The following SLC9A2 variants were observed in gnomAD, a reference collection of about 807,000 sequenced individuals.
SLC9A2 encodes the protein sodium/hydrogen exchanger 2.
SLC9A2 carries 42 observed loss-of-function variants against 71.7 expected under a neutral mutation model. That is an observed-to-expected ratio of 0.59 (90% CI 0.46 to 0.76). The LOEUF is 0.76. SLC9A2 is among the 30% of genes least tolerant of loss of function. The pLI, the probability that SLC9A2 is intolerant of heterozygous loss-of-function variation, is 0.00. For synonymous variants in SLC9A2, 396 were observed against 392.5 expected (o/e 1.01, Z -0.10); for missense variants, 829 against 1,017.4 (o/e 0.81, Z 2.52).
At chr2:102,646,707 CAAAG>C (rs917777910) in intron 1 of SLC9A2, among the ~76,000 whole-genome samples, 35 of 150,376 alleles carry the variant, frequency 2.3e-4, no homozygotes, top group Middle Eastern at 3.5e-3. Flanking sequence ...TCAAAAAAGA[CAAAG>C]AAGAGCATTA....
At chr2:102,691,891 A>G (rs761867669) in intron 5 of SLC9A2, among the ~76,000 whole-genome samples, 8 of 152,182 alleles carry the variant, frequency 5.3e-5, no homozygotes, top group Non-Finnish European at 4.4e-5. Flanking sequence ...CTGTATTTAC[A>G]AAGACTCGTG....
chr2:102,634,088 A>G (rs907103950), intron 1 of SLC9A2, among the ~76,000 whole-genome samples: 3 of 152,230 alleles, frequency 2.0e-5, no homozygotes, highest in Non-Finnish European at 2.9e-5. Flanking sequence ...GAGTAACTCA[A>G]TAAAATTTGG....
chr2:102,641,262 T>C (rs1311091034), intron 1 of SLC9A2, among the ~76,000 whole-genome samples: 1 of 152,206 alleles, frequency 6.6e-6, no homozygotes, highest in African/African-American at 2.4e-5. Context: ...GGCACAGTCC[T>C]GCCCAAACGC....
intron 1 of SLC9A2, among the ~76,000 whole-genome samples, chr2:102,647,876 G>A (rs533311767): frequency 6.6e-6 from 1 of 152,168 alleles, no homozygotes; most frequent in South Asian, 2.1e-4. Context: ...AAAAAGCCCA[G>A]GACCAGTCGG....
At chr2:102,679,930 T>C (rs1339516382) in intron 3 of SLC9A2, among the ~76,000 whole-genome samples, 2 of 152,312 alleles carry the variant, frequency 1.3e-5, no homozygotes, top group South Asian at 4.1e-4. Flanking sequence ...AAGTCAACTT[T>C]ATTGCTGATG....
At chr2:102,689,816 C>T (rs1198757331) in intron 5 of SLC9A2, 1 of 152,136 alleles carries the variant, frequency 6.6e-6, no homozygotes, top group African/African-American at 2.4e-5. Context: ...GTGGGGACTA[C>T]CTGGAGAGTA....
At chr2:102,674,779 G>T (rs1426571679) in intron 3 of SLC9A2, among the ~76,000 whole-genome samples, 5 of 152,192 alleles carry the variant, frequency 3.3e-5, no homozygotes, top group African/African-American at 1.2e-4. Flanking sequence ...TAGCCTTAGG[G>T]TGATAGGACA....
In SLC9A2 at chr2:102,619,951, A is replaced by T. The variant is rs772632493; in HGVS notation, c.103A>T (p.Thr35Ser). ...GGGGCCCGTGGGCGCCCTGGCGGAG[A>T]CCTTGCTGAACGCGCCGAGGGCCAT... ...VAGPVGALAETLLNAPRAMGT... is the reference protein window; with the variant it reads ...VAGPVGALAESLLNAPRAMGT... Residue 35 changes from threonine (T) to serine (S), a missense_variant, in exon 1 of 12, where the codon ACC becomes TCC. Coordinates refer to ENST00000233969, the MANE Select transcript of SLC9A2 (RefSeq NM_003048.6). The surrounding 1 kb of genome is among the most constrained non-coding windows in gnomAD (Gnocchi z 4.3). 1.2e-6 allele frequency: 2 copies of T among 1,611,434 alleles called. No individual in the cohort carries two copies. Among genetic ancestry groups the T allele is most frequent in the South Asian group, 2.2e-5 (2 of 90,800 alleles).
At chr2:102,703,302 A>G (rs1178568352) in intron 9 of SLC9A2, among the ~76,000 whole-genome samples, 1 of 152,198 alleles carries the variant, frequency 6.6e-6, no homozygotes, top group Non-Finnish European at 1.5e-5. Flanking sequence ...CTCTATTTCC[A>G]AGTTCCACTT....
chr2:102,639,619 G>A (rs140576055), intron 1 of SLC9A2, among the ~76,000 whole-genome samples: 11 of 152,266 alleles, frequency 7.2e-5, no homozygotes, highest in African/African-American at 2.4e-4. Flanking sequence ...CATTATCAGT[G>A]TTTTGCAACT....
intron 1 of SLC9A2, among the ~76,000 whole-genome samples, chr2:102,653,681 G>T (rs1676877663): frequency 6.6e-6 from 1 of 152,156 alleles, no homozygotes; most frequent in Non-Finnish European, 1.5e-5. Context: ...AAGAAGAGCA[G>T]CACCCCATGT....
At chr2:102,693,337 G>C (rs921429558) in intron 5 of SLC9A2, among the ~76,000 whole-genome samples, 7 of 152,224 alleles carry the variant, frequency 4.6e-5, no homozygotes, top group Non-Finnish European at 8.8e-5. Flanking sequence ...CTTCTCAGTT[G>C]ACTGGGACAT....
chr2:102,653,876 T>C (rs372107037), intron 1 of SLC9A2, among the ~76,000 whole-genome samples: 2 of 152,212 alleles, frequency 1.3e-5, no homozygotes, highest in African/African-American at 4.8e-5. Context: ...GGAAGGCAAC[T>C]AAAATGTGGA....
Position 102,619,821 on chromosome 2 carries a change from G to C in SLC9A2, c.-28G>C. ...TGAGCGCTCGGAGGGCCAACCGCCG[G>C]TCCCCTTGGCGGCAACCGGCGGCAC... On this transcript the variant is annotated 5_prime_UTR_variant, in exon 1 of 12. Coordinates refer to ENST00000233969, the MANE Select transcript of SLC9A2 (RefSeq NM_003048.6). The surrounding 1 kb of genome is among the most constrained non-coding windows in gnomAD (Gnocchi z 4.3). 1.4e-6 allele frequency: 2 copies of C among 1,465,470 alleles called. No individual in the cohort carries two copies. Among genetic ancestry groups the C allele is most frequent in the Non-Finnish European group, 1.8e-6 (2 of 1,111,002 alleles). 90.8% of individuals were successfully genotyped at this position (1,465,470 alleles called of 1,614,324 possible). A position where few individuals can be genotyped will look rare whatever the true frequency, so the allele number is the denominator to read the frequency against.
intron 3 of SLC9A2, among the ~76,000 whole-genome samples, chr2:102,667,933 G>A (rs944272139): frequency 2.0e-5 from 3 of 151,862 alleles, no homozygotes; most frequent in Non-Finnish European, 2.9e-5. Flanking sequence ...AAATTAGTCC[G>A]GCATGGTGGT....
Position 102,657,679 on chromosome 2 carries a change from A to G in SLC9A2, c.405A>G (p.Ala135=). 1 of 1,613,914 alleles carries G rather than the reference A, an allele frequency of 6.2e-7. No individual in the cohort carries two copies. Among genetic ancestry groups the G allele is most frequent in the African/African-American group, 1.3e-5 (1 of 75,014 alleles). ...IFGVDEKSPP[A]MKTDVFFLYL... ...GTGTTGATGAGAAGTCTCCCCCTGC[A>G]ATGAAGACTGATGTATTTTTCTTGT... is the stretch of plus-strand genomic sequence containing the variant. Residue 135 remains alanine (A), a synonymous_variant, in exon 2 of 12, where the codon GCA becomes GCG. Transcript: ENST00000233969.
At chr2:102,690,588 G>A (rs184284482) in intron 5 of SLC9A2, among the ~76,000 whole-genome samples, 11 of 152,234 alleles carry the variant, frequency 7.2e-5, no homozygotes, top group Admixed American at 2.0e-4. Context: ...TGGAGTATAG[G>A]GGAGAGACGG....
intron 5 of SLC9A2, among the ~76,000 whole-genome samples, chr2:102,687,217 C>T (rs968488313): frequency 9.9e-5 from 15 of 152,170 alleles, no homozygotes; most frequent in Non-Finnish European, 2.1e-4. Flanking sequence ...TTGCTTGGTT[C>T]CATGACTCTG....
At chr2:102,640,209 A>C (rs560657561) in intron 1 of SLC9A2, among the ~76,000 whole-genome samples, 14 of 152,194 alleles carry the variant, frequency 9.2e-5, no homozygotes, top group Non-Finnish European at 1.9e-4. Context: ...ACTAGGAAGA[A>C]ACTTGTGTTT....
Sources: allele counts gnomAD v4.1 joint callset (sites outside exome capture counted in the v4.1 genomes callset), GRCh38; gene constraint gnomAD v4.1.1; non-coding constraint Gnocchi (gnomAD v3.1); transcripts MANE v1.5; gene names NCBI Gene and HGNC (gene_info 2026-07-23, HGNC 2026-07-21).